SNX15: variants seen among roughly 807,000 people sequenced by gnomAD.
The protein encoded by SNX15 is sorting nexin 15, also known as sorting nexin-15.
SNX15 carries 29 observed loss-of-function variants against 35.2 expected under a neutral mutation model. The ratio of observed to expected loss-of-function variants is 0.82; its 90% CI spans 0.61 to 1.12. The LOEUF is 1.12. Among genes scored for constraint, SNX15 ranks in the 50% most tolerant of loss-of-function variants. The probability of loss-of-function intolerance (pLI) is 0.00; values close to 1 mark genes in which losing one functional copy is unlikely to be tolerated. For missense variants in SNX15, 400 were observed against 451.5 expected (o/e 0.89, Z 1.03); for synonymous variants, 189 against 188.2 (o/e 1.00, Z -0.03).
At position 65,034,946 on chromosome 11, in the gene SNX15, T is replaced by C; in HGVS notation, c.356T>C (p.Leu119Pro). 1 of 1,614,028 alleles carries C rather than the reference T, an allele frequency of 6.2e-7. No individual in the cohort carries two copies. The highest frequency in any genetic ancestry group is 8.5e-7 in the Non-Finnish European group (1 of 1,179,944). Reference sequence around the variant, plus strand: ...CCTGCGCTCAACAACAGCCCCCAGCTCAAGGAGTTCTTCCGGGTATGTGCA... The same window carrying C: ...CCTGCGCTCAACAACAGCCCCCAGCCCAAGGAGTTCTTCCGGGTATGTGCA... ...HIPALNNSPQ[L>P]KEFFRGGEVT... is the part of the protein sequence containing the mutation. Residue 119 changes from leucine (L) to proline (P), a missense_variant, in exon 4 of 8, where the codon CTC (leucine) becomes CCC (proline). Leu to Pro is a moderately conservative substitution (Grantham distance 98). Coordinates refer to ENST00000377244, the MANE Select transcript of SNX15 (RefSeq NM_013306.5).
In SNX15 at chr11:65,039,814, G is replaced by C. The variant is rs1448533162; in HGVS notation, c.*22G>C. The C allele has an allele frequency of 6.6e-7, 1 of 1,521,226 alleles. No individual in the cohort carries two copies. Among genetic ancestry groups the C allele is most frequent in the Non-Finnish European group, 9.1e-7 (1 of 1,102,526 alleles). The allele number at this position is 1,521,226 out of a possible 1,614,324, so 94.2% of individuals were successfully genotyped here. On this transcript the variant is annotated 3_prime_UTR_variant, in exon 8 of 8. Transcript: ENST00000377244. ...CTAACAGGGAGTGGGCCATTCCCTG[G>C]GACTCTCGCTCCTGCACTGCCAGCC...
At chr11:65,039,048 T>TTTTTTTTTTTTTTTTTTTTTA in intron 7 of SNX15, among the ~76,000 whole-genome samples, 1 of 138,222 alleles carries the variant, frequency 7.2e-6, no homozygotes, top group Admixed American at 7.3e-5. Flanking sequence ...TTTTTTTTTT[T>TTTTTTTTTTTTTTTTTTTTTA]GAGACAGAGT....
rs375137430 is a variant in SNX15 at position 65,035,132 on chromosome 11, C to T, written c.446C>T (p.Pro149Leu). The change falls in exon 5 of 8, where the codon CCG becomes CTG. Residue 149 changes from proline to leucine, a missense_variant. Coordinates refer to ENST00000377244, the MANE Select transcript of SNX15 (RefSeq NM_013306.5). ...HILPPPLIPTPPPDDPRLSQL... is the reference protein window; with the variant it reads ...HILPPPLIPTLPPDDPRLSQL... The stretch of plus-strand genomic sequence containing the variant: ...CTGCCACCCCCTCTGATCCCCACCC[C>T]GCCCCCTGATGACCCCCGGCTATCC... 3.8e-6 allele frequency: 6 copies of T among 1,597,612 alleles called. No homozygotes were observed. The highest frequency in any genetic ancestry group is 2.7e-5 in the African/African-American group (2 of 74,420).
At chr11:65,031,235 G>C (rs191904859) in intron 1 of SNX15, among the ~76,000 whole-genome samples, 97 of 152,208 alleles carry the variant, frequency 6.4e-4, no homozygotes, top group African/African-American at 2.2e-3. Flanking sequence ...TGTTGCCCAG[G>C]CTGGCCTCAA....
chr11:65,027,716 C>T (rs1946389291), intron 1 of SNX15, 80 bp downstream of exon 1: 3 of 1,035,772 alleles, frequency 2.9e-6, no homozygotes, highest in Non-Finnish European at 3.0e-6. Flanking sequence ...GCGGTGCAGC[C>T]ACTGCTCCCT....
intron 2 of SNX15, 74 bp from the exon 3 acceptor site, chr11:65,032,357 T>G: frequency 1.9e-6 from 3 of 1,609,224 alleles, no homozygotes; most frequent in Admixed American, 1.7e-5. Context: ...TCACGCCCCC[T>G]GGGGGCAGGC....
At chr11:65,038,393 C>T (rs996400410) in intron 6 of SNX15, 179 bp from the exon 7 acceptor site, 3 of 1,134,858 alleles carry the variant, frequency 2.6e-6, no homozygotes, top group Non-Finnish European at 3.5e-6. Context: ...TGAACCCTAT[C>T]GATCAAATAG....
At chr11:65,029,637 T>C (rs112057534) in intron 1 of SNX15, among the ~76,000 whole-genome samples, 18,602 of 151,386 alleles carry the variant, frequency 0.12, 1,513 homozygotes, top group South Asian at 0.23. Context: ...AGTACAGTGG[T>C]GTGATCTCAG....
intron 3 of SNX15, 73 bp from the exon 4 acceptor site, chr11:65,034,774 A>G: frequency 8.7e-7 from 1 of 1,154,344 alleles, no homozygotes; most frequent in Non-Finnish European, 1.3e-6. Context: ...CAGGACCAGG[A>G]AAAGTGGCCT....
At chr11:65,038,895 A>G in intron 7 of SNX15, 66 bp downstream of exon 7, 1 of 1,353,468 alleles carries the variant, frequency 7.4e-7, no homozygotes, top group South Asian at 1.6e-5. Flanking sequence ...GAAGGGAGCA[A>G]AAAAACAAGC....
At chr11:65,029,932 G>A (rs549239280) in intron 1 of SNX15, among the ~76,000 whole-genome samples, 19 of 152,074 alleles carry the variant, frequency 1.2e-4, no homozygotes, top group African/African-American at 3.1e-4. Flanking sequence ...TGTCACCCAC[G>A]CTGGTGTGCA....
intron 7 of SNX15, 46 bp from the exon 8 acceptor site, chr11:65,039,640 G>A: frequency 1.5e-6 from 2 of 1,336,160 alleles, no homozygotes; most frequent in Non-Finnish European, 2.1e-6. Context: ...GTTCTGACCA[G>A]GCCAGTGGTG....
chr11:65,032,319 A>C, intron 2 of SNX15, 112 bp from the exon 3 acceptor site: 1 of 1,583,570 alleles, frequency 6.3e-7, no homozygotes, highest in Non-Finnish European at 8.7e-7. Context: ...TCCCTGGGCG[A>C]GGGGCTGCTG....
chr11:65,029,485 G>A (rs2136925715), intron 1 of SNX15, among the ~76,000 whole-genome samples: 1 of 149,566 alleles, frequency 6.7e-6, no homozygotes, highest in Admixed American at 6.7e-5. Flanking sequence ...CAAGCAACAT[G>A]CATTACTTTG....
Position 65,038,414 on chromosome 11 carries a change from G to C in SNX15, c.665-158G>C, listed in dbSNP as rs1033210656. 22 of 1,184,234 alleles carry C rather than the reference G, an allele frequency of 1.9e-5. No individual in the cohort carries two copies. The South Asian group carries it at 4.9e-4, about 27-fold the overall frequency. 73.4% of individuals were successfully genotyped at this position (1,184,234 alleles called of 1,614,324 possible). On this transcript the variant is annotated intron_variant, in intron 6 of 7. Coordinates refer to ENST00000377244, the MANE Select transcript of SNX15 (RefSeq NM_013306.5). The stretch of plus-strand genomic sequence containing the variant: ...CTATCGATCAAATAGCTCATGGCTA[G>C]TTTTTGATCCACAGACGACTTCTGG...
intron 7 of SNX15, among the ~76,000 whole-genome samples, chr11:65,039,255 G>A (rs1049734253): frequency 1.3e-5 from 2 of 150,068 alleles, no homozygotes; most frequent in African/African-American, 2.5e-5. Context: ...ACAGAGTCTC[G>A]CTCTGTCGCC....
intron 3 of SNX15, 54 bp downstream of exon 3, chr11:65,032,605 A>C (rs1946453662): frequency 1.2e-6 from 2 of 1,609,376 alleles, no homozygotes; most frequent in East Asian, 4.5e-5. Context: ...ATTGGGCAAA[A>C]GGGGACCTCC....
At chr11:65,037,112 TC>T (rs565215281) in intron 6 of SNX15, 9 of 152,374 alleles carry the variant, frequency 5.9e-5, no homozygotes, top group Admixed American at 5.9e-4. Context: ...GTGGCAGGCA[TC>T]CAAGTGCTCT....
chr11:65,031,001 A>G (rs1285396891), intron 1 of SNX15, among the ~76,000 whole-genome samples: 1 of 151,960 alleles, frequency 6.6e-6, no homozygotes, highest in East Asian at 1.9e-4. Context: ...GGGATCTAGG[A>G]TAAGAAATAG....
Sources: allele counts gnomAD v4.1 joint callset (sites outside exome capture counted in the v4.1 genomes callset), GRCh38; gene constraint gnomAD v4.1.1; transcripts MANE v1.5; gene names NCBI Gene and HGNC (gene_info 2026-07-23, HGNC 2026-07-21).